The following PREX2 variants were observed in gnomAD, a reference collection of about 807,000 sequenced individuals.
PREX2 encodes phosphatidylinositol-3,4,5-trisphosphate dependent Rac exchange factor 2, also known as phosphatidylinositol 3,4,5-trisphosphate-dependent Rac exchanger 2 protein.
In PREX2, 107 loss-of-function variants were observed where a neutral mutation model predicts 203.2. The observed-to-expected ratio is 0.53, with a 90% CI of 0.45 to 0.62. PREX2 has a LOEUF of 0.62. Ranked by LOEUF, PREX2 falls within the 20% of genes least tolerant of loss-of-function variation. The pLI is 0.00. For missense variants in PREX2, 1,777 were observed against 1,955.9 expected (o/e 0.91, Z 1.72); for synonymous variants, 672 against 663.6 (o/e 1.01, Z -0.19).
chr8:68,142,539 C>T (rs1178107296), intron 33 of PREX2, among the ~76,000 whole-genome samples: 1 of 152,140 alleles, frequency 6.6e-6, no homozygotes. Flanking sequence ...ATTCAAAGGA[C>T]ATCTTGGTTG....
intron 37 of PREX2, among the ~76,000 whole-genome samples, chr8:68,199,008 C>T (rs1023946380): frequency 6.6e-6 from 1 of 152,128 alleles, no homozygotes; most frequent in African/African-American, 2.4e-5. Flanking sequence ...CTTTTATGTT[C>T]GTGCTTTGTT....
intron 1 of PREX2, among the ~76,000 whole-genome samples, chr8:67,984,290 A>G (rs1806352699): frequency 6.6e-6 from 1 of 151,988 alleles, no homozygotes; most frequent in Non-Finnish European, 1.5e-5. Flanking sequence ...ATTAAGAACG[A>G]AGAGTATGAT....
At chr8:68,120,644 T>C (rs1305691529) in intron 29 of PREX2, among the ~76,000 whole-genome samples, 1 of 152,102 alleles carries the variant, frequency 6.6e-6, no homozygotes, top group Non-Finnish European at 1.5e-5. Flanking sequence ...TGAGAGTTGA[T>C]GAATGGAAAG....
intron 21 of PREX2, among the ~76,000 whole-genome samples, chr8:68,095,748 G>A (rs954956466): frequency 2.7e-4 from 41 of 151,030 alleles, no homozygotes; most frequent in Admixed American, 2.4e-3. Flanking sequence ...GTGATCCGCC[G>A]TCAGTTCCCT....
Position 68,058,731 on chromosome 8 carries a change from G to A in PREX2, c.1239-1948G>A, listed in dbSNP as rs146225781. 3.4e-3 allele frequency among the ~76,000 whole-genome samples: 522 copies of A among 152,184 alleles called. 4 individuals carry two copies. The highest frequency in any genetic ancestry group is 0.012 in the African/African-American group (505 of 41,516). On this transcript the variant is annotated intron_variant, in intron 10 of 39. Coordinates refer to ENST00000288368, the MANE Select transcript of PREX2 (RefSeq NM_024870.4). The stretch of plus-strand genomic sequence containing the variant: ...ATTATAGGCATGAGCCACTTTGCCC[G>A]GCCCGACATTCTTAATATTATCTCT...
intron 1 of PREX2, among the ~76,000 whole-genome samples, chr8:67,995,679 C>T (rs1161916044): frequency 1.3e-5 from 2 of 152,134 alleles, no homozygotes; most frequent in Non-Finnish European, 2.9e-5. Context: ...TTGATATGCT[C>T]GTTGTGTTTA....
At chr8:68,102,229 T>C (rs986188749) in intron 23 of PREX2, among the ~76,000 whole-genome samples, 2 of 152,234 alleles carry the variant, frequency 1.3e-5, no homozygotes, top group South Asian at 4.1e-4. Flanking sequence ...AAGAATTTGC[T>C]TAAGGTCACG....
chr8:68,055,305 G>A (rs895749676), intron 9 of PREX2, among the ~76,000 whole-genome samples: 3 of 152,236 alleles, frequency 2.0e-5, no homozygotes, highest in East Asian at 1.9e-4. Flanking sequence ...CCATGGCTCC[G>A]GGCCTCCAAG....
chr8:68,057,365 G>A (rs1808712027), intron 10 of PREX2, among the ~76,000 whole-genome samples: 1 of 152,214 alleles, frequency 6.6e-6, no homozygotes, highest in Non-Finnish European at 1.5e-5. Flanking sequence ...TGTGGGAATG[G>A]ACTAATACAC....
chr8:68,113,145 A>C (rs929913800), intron 25 of PREX2, among the ~76,000 whole-genome samples: 2 of 152,190 alleles, frequency 1.3e-5, no homozygotes, highest in Non-Finnish European at 2.9e-5. Flanking sequence ...AGAATCTAGA[A>C]ATTTTATGCA....
chr8:68,147,499 G>C (rs1388157326), intron 34 of PREX2, among the ~76,000 whole-genome samples: 1 of 152,102 alleles, frequency 6.6e-6, no homozygotes, highest in Non-Finnish European at 1.5e-5. Context: ...CCATGCACAA[G>C]CCCTCTCCTC....
chr8:68,108,341 C>A lies in PREX2; in HGVS notation c.2938+10C>A, dbSNP rs546587091. The A allele has an allele frequency of 3.1e-4, 501 of 1,596,822 alleles. 16 individuals carry two copies. The South Asian group carries it at 3.8e-3, about 12-fold the overall frequency. On this transcript the variant is annotated intron_variant, in intron 24 of 39. Transcript: ENST00000288368. ...AAATCTTCGGAGCAAGGTATGCTAG[C>A]TTTTGCAACTTTATCAAATCATGAA...
At chr8:68,135,096 A>AC (rs1811087506) in intron 32 of PREX2, among the ~76,000 whole-genome samples, 1 of 99,696 alleles carries the variant, frequency 1.0e-5, no homozygotes, top group Admixed American at 1.1e-4. Context: ...TTAAAAACAA[A>AC]TTTTGTGTGT....
In PREX2 at chr8:68,134,084, C is replaced by T; in HGVS notation, c.3792C>T (p.Asp1264=). Residue 1264 remains aspartate, a synonymous_variant, in exon 32 of 40, where the codon GAC becomes GAT. Coordinates refer to ENST00000288368, the MANE Select transcript of PREX2 (RefSeq NM_024870.4). ...ATAGTGAGACACAGCTCCGTAGAGA[C>T]ATGGTTTTCTGCCAGACTCTTGTGG... ...YSDSETQLRR[D]MVFCQTLVAT... The T allele has an allele frequency of 6.2e-7, 1 of 1,614,104 alleles. No individual in the cohort carries two copies. The highest frequency in any genetic ancestry group is 1.3e-5 in the African/African-American group (1 of 75,070).
intron 35 of PREX2, among the ~76,000 whole-genome samples, chr8:68,167,171 T>C (rs973745593): frequency 5.3e-5 from 8 of 152,052 alleles, no homozygotes; most frequent in African/African-American, 1.7e-4. Flanking sequence ...CGATTCACAC[T>C]GTGTCACTGT....
intron 28 of PREX2, among the ~76,000 whole-genome samples, chr8:68,119,865 G>C (rs1413107652): frequency 6.6e-6 from 1 of 151,762 alleles, no homozygotes; most frequent in Non-Finnish European, 1.5e-5. Flanking sequence ...TATTGCCTTG[G>C]ATGCTAATTT....
intron 37 of PREX2, among the ~76,000 whole-genome samples, chr8:68,205,738 G>C (rs1285808009): frequency 6.6e-6 from 1 of 152,162 alleles, no homozygotes; most frequent in East Asian, 1.9e-4. Flanking sequence ...TTAGAAGCCA[G>C]AATAAATGTG....
chr8:68,221,011 C>T (rs1019649107), intron 38 of PREX2, among the ~76,000 whole-genome samples: 1 of 152,092 alleles, frequency 6.6e-6, no homozygotes, highest in Non-Finnish European at 1.5e-5. Context: ...ATCCTATCCC[C>T]CTTCCTTCCT....
At chr8:68,008,394 G>A (rs1350721071) in intron 1 of PREX2, among the ~76,000 whole-genome samples, 3 of 151,544 alleles carry the variant, frequency 2.0e-5, no homozygotes, top group Non-Finnish European at 2.9e-5. Context: ...TAAGGAAGGG[G>A]TGATATGTTG....
Sources: allele counts gnomAD v4.1 joint callset (sites outside exome capture counted in the v4.1 genomes callset), GRCh38; gene constraint gnomAD v4.1.1; transcripts MANE v1.5; gene names NCBI Gene and HGNC (gene_info 2026-07-23, HGNC 2026-07-21).